Variants in OPRM1 observed in about 807,000 individuals in gnomAD.
OPRM1 encodes opioid receptor mu 1.
A neutral mutation model predicts 31.8 loss-of-function variants in OPRM1; 27 were observed. That is an observed-to-expected ratio of 0.85 (90% CI 0.63 to 1.17). OPRM1 has a LOEUF of 1.17. Ranked by LOEUF, OPRM1 falls within the 50% of genes most tolerant of loss-of-function variation. OPRM1 has a pLI of 0.00. For missense variants in OPRM1, 536 were observed against 511.1 expected, an observed-to-expected ratio of 1.05 and a Z score of -0.47; for synonymous variants, 196 against 189.9, an observed-to-expected ratio of 1.03 and a Z score of -0.26.
In OPRM1 at chr6:154,129,107, A is replaced by G. The variant is rs1379203372; in HGVS notation, c.*10386A>G. On this transcript the variant is annotated 3_prime_UTR_variant, in exon 4 of 4. Transcript: ENST00000330432. ...GGAGCATCGACCAGCTACTGTCTCAAAATCCAAGCTCCCTGAGTACACAAT... is the reference window on the plus strand; with the variant it reads ...GGAGCATCGACCAGCTACTGTCTCAGAATCCAAGCTCCCTGAGTACACAAT... Among the ~76,000 whole-genome samples the G allele has an allele frequency of 6.6e-6, 1 of 152,164 alleles. No homozygotes were observed. Among genetic ancestry groups the G allele is most frequent in the East Asian group, 1.9e-4 (1 of 5,190 alleles).
Position 154,090,174 on chromosome 6 carries a change from G to A in OPRM1, c.639G>A (p.Arg213=). ...PVMFMATTKY[R]QGSIDCTLTF... Reference sequence around the variant, plus strand: ...TGTTCATGGCTACAACAAAATACAGGCAAGGTGAGTGATGTTACCAGCCTG... The same window carrying A: ...TGTTCATGGCTACAACAAAATACAGACAAGGTGAGTGATGTTACCAGCCTG... The change falls in exon 2 of 4, where the codon AGG becomes AGA. Residue 213 remains arginine (R), a synonymous_variant. Coordinates refer to ENST00000330432, the MANE Select transcript of OPRM1 (RefSeq NM_000914.5). 6.2e-7 allele frequency: 1 copy of A among 1,606,488 alleles called. No individual in the cohort carries two copies. Among genetic ancestry groups the A allele is most frequent in the Non-Finnish European group, 8.5e-7 (1 of 1,174,478 alleles).
intron 1 of OPRM1, among the ~76,000 whole-genome samples, chr6:154,056,537 C>G (rs1337778453): frequency 6.6e-6 from 1 of 151,664 alleles, no homozygotes; most frequent in Non-Finnish European, 1.5e-5. Flanking sequence ...AACTTCCTAA[C>G]TCAGGACAGT....
chr6:154,036,715 A>C (rs150130314), upstream of OPRM1, among the ~76,000 whole-genome samples: 199 of 152,076 alleles, frequency 1.3e-3, 1 homozygote, highest in African/African-American at 4.6e-3. Context: ...TCATTAAAAA[A>C]ATCACCCAGA....
intron 3 of OPRM1, among the ~76,000 whole-genome samples, chr6:154,152,347 G>GAAAGGAAAGAAA: frequency 1.1e-3 from 71 of 65,132 alleles, no homozygotes; most frequent in African/African-American, 3.2e-3. Flanking sequence ...AAGAAAGAAA[G>GAAAGGAAAGAAA]GAAAGAAAGA....
chr6:154,099,011 G>T (rs1165537331), intron 3 of OPRM1, among the ~76,000 whole-genome samples: 1 of 152,088 alleles, frequency 6.6e-6, no homozygotes, highest in Non-Finnish European at 1.5e-5. Context: ...CAGGTGCAGT[G>T]GCTCTCATCT....
chr6:154,175,212 A>G (rs1351124529), intron 3 of OPRM1, among the ~76,000 whole-genome samples: 1 of 152,252 alleles, frequency 6.6e-6, no homozygotes, highest in South Asian at 2.1e-4. Flanking sequence ...TGCCCACAAG[A>G]GAAAGCAGGG....
chr6:154,162,847 C>T (rs1488310831), intron 3 of OPRM1, among the ~76,000 whole-genome samples: 1 of 152,172 alleles, frequency 6.6e-6, no homozygotes, highest in African/African-American at 2.4e-5. Context: ...TCCACATCAA[C>T]CCCTAAGAGG....
intron 3 of OPRM1, among the ~76,000 whole-genome samples, chr6:154,206,840 G>A (rs1279199978): frequency 6.6e-6 from 1 of 152,224 alleles, no homozygotes; most frequent in East Asian, 1.9e-4. Flanking sequence ...GAACGCTTTT[G>A]GGGAACAGCA....
At chr6:154,053,266 C>G (rs1032227815) in intron 1 of OPRM1, among the ~76,000 whole-genome samples, 1 of 152,210 alleles carries the variant, frequency 6.6e-6, no homozygotes, top group Non-Finnish European at 1.5e-5. Flanking sequence ...CTGTCATCTG[C>G]AAATTCATAT....
intron 3 of OPRM1, chr6:154,214,345 A>T (rs910831460): frequency 9.5e-7 from 1 of 1,048,442 alleles, no homozygotes; most frequent in African/African-American, 1.6e-5. Flanking sequence ...CTTCCCCCAG[A>T]GTTTGTTATG....
At chr6:154,233,130 A>C (rs555601001) in intron 3 of OPRM1, among the ~76,000 whole-genome samples, 2 of 152,176 alleles carry the variant, frequency 1.3e-5, no homozygotes, top group East Asian at 3.9e-4. Flanking sequence ...CGCCACGCCC[A>C]GCTAATTTTT....
rs142359993 is a variant in OPRM1, at chr6:154,061,337, C to T, written c.290+21503C>T. 2.4e-3 allele frequency among the ~76,000 whole-genome samples: 362 copies of T among 152,190 alleles called. 3 individuals are homozygous for T. Among genetic ancestry groups the T allele is most frequent in the African/African-American group, 6.9e-3 (285 of 41,508 alleles). ...CAACACTGCCATGTTACCCGCACTG[C>T]GCTGTAACATCTAACACACCATTTA... On this transcript the variant is annotated intron_variant, in intron 1 of 3. Coordinates refer to ENST00000330432, the MANE Select transcript of OPRM1 (RefSeq NM_000914.5).
intron 1 of OPRM1, among the ~76,000 whole-genome samples, chr6:154,081,757 T>C (rs1455617592): frequency 3.9e-5 from 6 of 152,168 alleles, no homozygotes; most frequent in African/African-American, 1.4e-4. Context: ...AGCAATGCAC[T>C]CCTAGAAATA....
At chr6:154,054,148 T>C (rs1782731126) in intron 1 of OPRM1, among the ~76,000 whole-genome samples, 1 of 151,748 alleles carries the variant, frequency 6.6e-6, no homozygotes, top group Admixed American at 6.6e-5. Flanking sequence ...GGCCGGCGGA[T>C]CACGAGGTCA....
chr6:154,218,144 G>A (rs761359991), intron 3 of OPRM1, among the ~76,000 whole-genome samples: 1 of 152,166 alleles, frequency 6.6e-6, no homozygotes, highest in Non-Finnish European at 1.5e-5. Context: ...GTAGATGGAT[G>A]CACTAAAGGA....
intron 1 of OPRM1, among the ~76,000 whole-genome samples, chr6:154,080,838 T>C (rs1480662835): frequency 6.6e-6 from 1 of 152,246 alleles, no homozygotes; most frequent in Non-Finnish European, 1.5e-5. Flanking sequence ...CCTTCTCTGT[T>C]AGACAATGAT....
At position 154,090,965 on chromosome 6, in the gene OPRM1, T is replaced by C. The variant is rs1381436550; in HGVS notation, c.657T>C (p.Cys219=). Residue 219 remains cysteine (C), a synonymous_variant, in exon 3 of 4, where the codon TGT becomes TGC. Transcript: ENST00000330432. The stretch of plus-strand genomic sequence containing the variant: ...CCTTTCTTCTAGGTTCCATAGATTG[T>C]ACACTAACATTCTCTCATCCAACCT... ...TTKYRQGSID[C]TLTFSHPTWY... is the part of the protein sequence containing the mutation. 1 of 1,613,526 alleles carries C rather than the reference T, an allele frequency of 6.2e-7. No individual in the cohort carries two copies. The highest frequency in any genetic ancestry group is 1.3e-5 in the African/African-American group (1 of 74,908).
intron 3 of OPRM1, among the ~76,000 whole-genome samples, chr6:154,198,103 A>G (rs1397448522): frequency 6.6e-6 from 1 of 152,168 alleles, no homozygotes; most frequent in Non-Finnish European, 1.5e-5. Context: ...CAGAATGAGT[A>G]AAGACCTCCA....
At chr6:154,167,795 T>A (rs1424027017) in intron 3 of OPRM1, 3 of 668,182 alleles carry the variant, frequency 4.5e-6, no homozygotes, top group Non-Finnish European at 7.5e-6. Context: ...AAAGGTTATA[T>A]TTACTTTTAC....
Sources: allele counts gnomAD v4.1 joint callset (sites outside exome capture counted in the v4.1 genomes callset), GRCh38; gene constraint gnomAD v4.1.1; transcripts MANE v1.5; gene names NCBI Gene and HGNC (gene_info 2026-07-23, HGNC 2026-07-21).